LMO7: variants seen among roughly 807,000 people sequenced by gnomAD.
The protein encoded by LMO7 is LIM domain only protein 7.
LMO7 carries 120 observed loss-of-function variants against 206.5 expected under a neutral mutation model. The observed-to-expected ratio is 0.58, with a 90% CI of 0.50 to 0.68. LMO7 has a LOEUF of 0.68. Ranked by LOEUF, LMO7 falls within the 30% of genes least tolerant of loss-of-function variation. The pLI is 0.00. For synonymous variants in LMO7, 706 were observed against 681.5 expected, an observed-to-expected ratio of 1.04 and a Z score of -0.56; for missense variants, 1,959 against 1,957.9, an observed-to-expected ratio of 1.00 and a Z score of -0.01.
At chr13:75,658,877 C>T (rs1594108940) in intron 1 of LMO7, among the ~76,000 whole-genome samples, 1 of 152,164 alleles carries the variant, frequency 6.6e-6, no homozygotes, top group Non-Finnish European at 1.5e-5. Flanking sequence ...GTGTGAGCCA[C>T]CACACCCAGC....
At position 75,858,041 on chromosome 13, in the gene LMO7, T is replaced by C; in HGVS notation, c.*98T>C. ...ATGTGTTGTATGTCTTTTTTGCTTTTTTTTTAAAAAAAAGAATAACTTTTT... is the reference window on the plus strand; with the variant it reads ...ATGTGTTGTATGTCTTTTTTGCTTTCTTTTTAAAAAAAAGAATAACTTTTT... On this transcript the variant is annotated 3_prime_UTR_variant, in exon 31 of 31. Transcript: ENST00000377534. 2.1e-6 allele frequency: 3 copies of C among 1,459,634 alleles called. No individual in the cohort carries two copies. Among genetic ancestry groups the C allele is most frequent in the Non-Finnish European group, 2.8e-6 (3 of 1,067,864 alleles). The allele number at this position is 1,459,634 out of a possible 1,614,324, so 90.4% of individuals were successfully genotyped here.
chr13:75,794,752 T>A (rs1404946971), intron 4 of LMO7, among the ~76,000 whole-genome samples: 1 of 152,206 alleles, frequency 6.6e-6, no homozygotes, highest in Non-Finnish European at 1.5e-5. Flanking sequence ...TCTTTTTAAC[T>A]TCTCCCATAA....
chr13:75,643,547 TG>T (rs1382514619), intron 1 of LMO7, among the ~76,000 whole-genome samples: 1 of 152,218 alleles, frequency 6.6e-6, no homozygotes, highest in Non-Finnish European at 1.5e-5. Context: ...TCCTTAAGCC[TG>T]TTAACTATCA....
intron 25 of LMO7, among the ~76,000 whole-genome samples, chr13:75,843,776 T>A (rs1205815036): frequency 6.6e-6 from 1 of 152,184 alleles, no homozygotes; most frequent in African/African-American, 2.4e-5. Flanking sequence ...AAACAAATAT[T>A]GAGGGTAGGG....
At position 75,834,379 on chromosome 13, in the gene LMO7, G is replaced by C; in HGVS notation, c.3218G>C (p.Gly1073Ala). ...CTAGTGATGGATGTGAGGCGCTATG[G>C]AAAGGCTGGTGAGTTTGTGTTACCA... ...GHLVMDVRRY[G>A]KAGSPETKWI... is the part of the protein sequence containing the mutation. Residue 1073 changes from glycine to alanine, a missense_variant, in exon 17 of 31, where the codon GGA (glycine) becomes GCA (alanine). Coordinates refer to ENST00000377534, the MANE Select transcript of LMO7 (RefSeq NM_001306080.2). 1 of 1,596,088 alleles carries C rather than the reference G, an allele frequency of 6.3e-7. No homozygotes were observed. Among genetic ancestry groups the C allele is most frequent in the South Asian group, 1.1e-5 (1 of 87,562 alleles).
intron 5 of LMO7, among the ~76,000 whole-genome samples, chr13:75,795,853 C>T (rs924154223): frequency 6.6e-6 from 1 of 152,160 alleles, no homozygotes; most frequent in Admixed American, 6.5e-5. Flanking sequence ...GGTTAAATAG[C>T]TAATGCATGT....
intron 3 of LMO7, among the ~76,000 whole-genome samples, chr13:75,728,314 T>A (rs1313794909): frequency 6.6e-6 from 1 of 152,202 alleles, no homozygotes; most frequent in African/African-American, 2.4e-5. Flanking sequence ...ATGATTGCCA[T>A]TCTAACTGGT....
At chr13:75,783,868 G>C (rs1167004486) in intron 4 of LMO7, among the ~76,000 whole-genome samples, 1 of 152,046 alleles carries the variant, frequency 6.6e-6, no homozygotes, top group Non-Finnish European at 1.5e-5. Flanking sequence ...TGTTTGCTTT[G>C]CTTATATATT....
At chr13:75,747,187 T>C (rs2046914743) in intron 3 of LMO7, among the ~76,000 whole-genome samples, 1 of 152,168 alleles carries the variant, frequency 6.6e-6, no homozygotes, top group African/African-American at 2.4e-5. Flanking sequence ...TGAGGGTGGT[T>C]TTATATTGTC....
At chr13:75,794,835 G>T (rs1213070375) in intron 4 of LMO7, among the ~76,000 whole-genome samples, 2 of 151,992 alleles carry the variant, frequency 1.3e-5, no homozygotes, top group Non-Finnish European at 2.9e-5. Flanking sequence ...TCAGGCAGAG[G>T]TTCATGGCTG....
chr13:75,814,016 G>T (rs765556752), intron 11 of LMO7, among the ~76,000 whole-genome samples: 33 of 152,156 alleles, frequency 2.2e-4, no homozygotes, highest in Admixed American at 3.9e-4. Context: ...TATGACTTAC[G>T]TGAATCTATA....
intron 4 of LMO7, among the ~76,000 whole-genome samples, chr13:75,767,052 T>C (rs1283613927): frequency 6.6e-6 from 1 of 152,130 alleles, no homozygotes; most frequent in Non-Finnish European, 1.5e-5. Context: ...TATTACAAGA[T>C]AATCTAAAAC....
intron 4 of LMO7, among the ~76,000 whole-genome samples, chr13:75,775,022 G>A (rs1226808531): frequency 2.0e-5 from 3 of 152,056 alleles, no homozygotes; most frequent in African/African-American, 7.2e-5. Flanking sequence ...ATGTCAGGAA[G>A]GTTCTTTTGG....
chr13:75,829,054 A>G (rs570025767), intron 15 of LMO7, among the ~76,000 whole-genome samples: 1 of 152,178 alleles, frequency 6.6e-6, no homozygotes, highest in Non-Finnish European at 1.5e-5. Context: ...TGGGCGGAAG[A>G]TAATGAATTC....
chr13:75,705,156 C>T (rs2042563440), intron 1 of LMO7, among the ~76,000 whole-genome samples: 1 of 152,192 alleles, frequency 6.6e-6, no homozygotes, highest in Admixed American at 6.5e-5. Flanking sequence ...AAGGGCCTCA[C>T]ACTTGGCGCA....
At chr13:75,731,781 C>A (rs1364538933) in intron 3 of LMO7, among the ~76,000 whole-genome samples, 5 of 152,056 alleles carry the variant, frequency 3.3e-5, no homozygotes, top group Non-Finnish European at 2.9e-5. Context: ...TTGTTCCTTT[C>A]CATGTTTAGC....
chr13:75,810,727 A>T (rs1344657021), intron 11 of LMO7, among the ~76,000 whole-genome samples: 1 of 152,262 alleles, frequency 6.6e-6, no homozygotes, highest in African/African-American at 2.4e-5. Flanking sequence ...TTCTTAAAGG[A>T]AATAAAAGTA....
chr13:75,654,360 A>G (rs1336172307), intron 1 of LMO7, among the ~76,000 whole-genome samples: 1 of 152,244 alleles, frequency 6.6e-6, no homozygotes, highest in Non-Finnish European at 1.5e-5. Flanking sequence ...TTCTTGAGAG[A>G]CAGTGAGAGA....
At chr13:75,785,606 AG>A (rs2052307227) in intron 4 of LMO7, among the ~76,000 whole-genome samples, 1 of 152,214 alleles carries the variant, frequency 6.6e-6, no homozygotes, top group Admixed American at 6.5e-5. Flanking sequence ...TCAAAGTTTA[AG>A]TAAAATAGGT....
Sources: gnomAD v4.1 joint callset for allele counts (sites outside exome capture counted in the v4.1 genomes callset) on GRCh38, gnomAD v4.1.1 for gene constraint, MANE v1.5 for transcripts, NCBI Gene and HGNC (gene_info 2026-07-23, HGNC 2026-07-21) for gene names.